The following ST6GAL1 variants were observed in gnomAD, a reference collection of about 807,000 sequenced individuals.
The protein encoded by ST6GAL1 is ST6 beta-galactoside alpha-2,6-sialyltransferase 1.
ST6GAL1 carries 20 observed loss-of-function variants against 38.0 expected under a neutral mutation model. That is an observed-to-expected ratio of 0.53 (90% CI 0.37 to 0.77). The LOEUF is 0.77. Among genes scored for constraint, ST6GAL1 ranks in the 30% least tolerant of loss-of-function variants. ST6GAL1 has a pLI of 0.00. For missense variants in ST6GAL1, 432 were observed against 496.4 expected (o/e 0.87, Z 1.23); for synonymous variants, 196 against 188.2 (o/e 1.04, Z -0.34).
chr3:186,949,488 A>G lies in ST6GAL1; in HGVS notation c.-324-14297A>G, dbSNP rs556906475. The stretch of plus-strand genomic sequence containing the variant: ...GGCTCCTTTTTTGCTTTTCACAATG[A>G]ACATCTTATTCTGGGCTGCAAATTT... On this transcript the variant is annotated intron_variant, in intron 1 of 7. Transcript: ENST00000169298. 6.0e-4 allele frequency among the ~76,000 whole-genome samples: 91 copies of G among 152,256 alleles called. 1 individual carries two copies. In the South Asian group the frequency reaches 0.019, roughly 31 times the overall value.
At chr3:187,073,895 A>G (rs1041946427) in intron 6 of ST6GAL1, 12 of 333,278 alleles carry the variant, frequency 3.6e-5, no homozygotes, top group Admixed American at 2.5e-4. Context: ...CCGGACTCTG[A>G]TCCTGAAGCC....
intron 2 of ST6GAL1, among the ~76,000 whole-genome samples, chr3:187,014,700 C>T (rs1208698750): frequency 1.3e-5 from 2 of 152,210 alleles, no homozygotes; most frequent in African/African-American, 2.4e-5. Flanking sequence ...GACATCTGGC[C>T]TCTCCCATTT....
intron 2 of ST6GAL1, among the ~76,000 whole-genome samples, chr3:187,019,146 G>A (rs372425720): frequency 2.0e-5 from 3 of 152,268 alleles, no homozygotes; most frequent in African/African-American, 4.8e-5. Context: ...TCTTGGAATC[G>A]TGTCGGGGGA....
chr3:187,065,705 A>G (rs529317343), intron 5 of ST6GAL1, among the ~76,000 whole-genome samples: 17 of 152,352 alleles, frequency 1.1e-4, no homozygotes, highest in African/African-American at 4.1e-4. Context: ...CCTACTTCCT[A>G]TATGCCTAGC....
At position 187,075,808 on chromosome 3, in the gene ST6GAL1, A is replaced by G; in HGVS notation, c.*5A>G. On this transcript the variant is annotated 3_prime_UTR_variant, in exon 8 of 8. Coordinates refer to ENST00000169298, the MANE Select transcript of ST6GAL1 (RefSeq NM_173216.2). The surrounding 1 kb of genome is among the most constrained non-coding windows in gnomAD (Gnocchi z 4.1). ...TTCCGGACCATTCACTGCTAAGCACAGGCTCCTCACTCTTCTCCATCAGGC... is the reference window on the plus strand; with the variant it reads ...TTCCGGACCATTCACTGCTAAGCACGGGCTCCTCACTCTTCTCCATCAGGC... 6.2e-7 allele frequency: 1 copy of G among 1,613,940 alleles called. No individual in the cohort carries two copies. Among genetic ancestry groups the G allele is most frequent in the Non-Finnish European group, 8.5e-7 (1 of 1,179,822 alleles).
intron 2 of ST6GAL1, among the ~76,000 whole-genome samples, chr3:186,965,560 A>AGAGT (rs1172835728): frequency 1.3e-5 from 2 of 152,234 alleles, no homozygotes; most frequent in African/African-American, 4.8e-5. Flanking sequence ...TAAGGTCTAC[A>AGAGT]GAGTCCATCT....
At chr3:187,054,078 A>G (rs921268532) in intron 5 of ST6GAL1, among the ~76,000 whole-genome samples, 1 of 152,074 alleles carries the variant, frequency 6.6e-6, no homozygotes, top group African/African-American at 2.4e-5. Context: ...ATGAGAGTTC[A>G]CTCATGATTT....
intron 5 of ST6GAL1, chr3:187,071,970 C>T (rs1190699392): frequency 6.6e-6 from 1 of 151,868 alleles, no homozygotes; most frequent in Non-Finnish European, 1.5e-5. Context: ...TATTTTCCCC[C>T]AGAATTTGAA....
chr3:186,957,212 G>T (rs1295507240), intron 1 of ST6GAL1, among the ~76,000 whole-genome samples: 1 of 152,216 alleles, frequency 6.6e-6, no homozygotes, highest in African/African-American at 2.4e-5. Flanking sequence ...GGAGGCCAAG[G>T]TGAGTGGATC....
chr3:187,008,085 AAAG>A (rs1716839784), intron 2 of ST6GAL1, among the ~76,000 whole-genome samples: 1 of 152,208 alleles, frequency 6.6e-6, no homozygotes, highest in African/African-American at 2.4e-5. Context: ...CAGAAGGTAA[AAAG>A]AAAAATACTG....
chr3:186,975,845 G>A (rs1250225830), intron 2 of ST6GAL1, among the ~76,000 whole-genome samples: 1 of 152,198 alleles, frequency 6.6e-6, no homozygotes, highest in Admixed American at 6.5e-5. Context: ...TGGGACTAGG[G>A]TGAGACCTCC....
chr3:187,048,880 ATTTTTTTTTTTTTTTT>A (rs374148828), intron 4 of ST6GAL1, among the ~76,000 whole-genome samples: 1 of 115,456 alleles, frequency 8.7e-6, no homozygotes, highest in African/African-American at 3.8e-5. Context: ...GAGAAATTGA[ATTTTTTTTTTTTTTTT>A]TTTTTTTTTT....
rs1259883846 is a variant in ST6GAL1 at position 186,952,019 on chromosome 3, A to G, written c.-324-11766A>G. On this transcript the variant is annotated intron_variant, in intron 1 of 7. Transcript: ENST00000169298. This position sits in a 1 kb window ranked among gnomAD's most constrained non-coding sequence, Gnocchi z 4.1. Reference sequence around the variant, plus strand: ...CCATGTTGCCTTGCTATAAAGGAAAACCTGAGACTGAGTAATTTATAAAGA... The same window carrying G: ...CCATGTTGCCTTGCTATAAAGGAAAGCCTGAGACTGAGTAATTTATAAAGA... Among the ~76,000 whole-genome samples, 2 of 152,138 alleles carry G rather than the reference A, an allele frequency of 1.3e-5. No homozygotes were observed. The highest frequency in any genetic ancestry group is 2.9e-5 in the Non-Finnish European group (2 of 68,032).
intron 5 of ST6GAL1, among the ~76,000 whole-genome samples, chr3:187,055,156 GT>G (rs548505476): frequency 6.7e-6 from 1 of 150,306 alleles, no homozygotes; most frequent in Non-Finnish European, 1.5e-5. Context: ...CCAATTTATC[GT>G]TTTTTATTGC....
intron 1 of ST6GAL1, among the ~76,000 whole-genome samples, chr3:186,940,962 A>G (rs567411912): frequency 7.2e-5 from 11 of 152,310 alleles, no homozygotes; most frequent in Admixed American, 5.2e-4. Flanking sequence ...AACCTAGTCC[A>G]TCAAGTTCTG....
At chr3:186,954,325 A>G (rs147795700) in intron 1 of ST6GAL1, among the ~76,000 whole-genome samples, 1 of 152,316 alleles carries the variant, frequency 6.6e-6, no homozygotes, top group African/African-American at 2.4e-5. Flanking sequence ...AGAAGGATTT[A>G]TATTCCTTTG....
intron 2 of ST6GAL1, among the ~76,000 whole-genome samples, chr3:186,983,375 G>A (rs1715756724): frequency 6.6e-6 from 1 of 152,162 alleles, no homozygotes; most frequent in Non-Finnish European, 1.5e-5. Flanking sequence ...ACTCAGATGG[G>A]AAATAATGAG....
intron 5 of ST6GAL1, 51 bp downstream of exon 5, chr3:187,051,397 G>A: frequency 6.5e-7 from 1 of 1,543,726 alleles, no homozygotes; most frequent in East Asian, 2.3e-5. Context: ...CACAGTGTGG[G>A]CTCTAATGTG....
rs1718504914 is a variant in ST6GAL1, at chr3:187,051,277, T to C, written c.636T>C (p.Asn212=). ...IDDHDAVLRF[N]GAPTANFQQD... ...ATCATGACGCAGTCCTGAGGTTTAATGGGGCACCCACAGCCAACTTCCAAC... is the reference window on the plus strand; with the variant it reads ...ATCATGACGCAGTCCTGAGGTTTAACGGGGCACCCACAGCCAACTTCCAAC... The change falls in exon 5 of 8, where the codon AAT becomes AAC. Residue 212 remains asparagine, a synonymous_variant. Transcript: ENST00000169298. 1 of 1,614,018 alleles carries C rather than the reference T, an allele frequency of 6.2e-7. No individual in the cohort carries two copies. The highest frequency in any genetic ancestry group is 1.7e-5 in the Admixed American group (1 of 59,992).
Sources: gnomAD v4.1 joint callset for allele counts (sites outside exome capture counted in the v4.1 genomes callset) on GRCh38, gnomAD v4.1.1 for gene constraint, Gnocchi (gnomAD v3.1) non-coding constraint, MANE v1.5 for transcripts, NCBI Gene and HGNC (gene_info 2026-07-23, HGNC 2026-07-21) for gene names.